HPSE2: variants seen among roughly 807,000 people sequenced by gnomAD.
HPSE2 encodes inactive heparanase-2.
In HPSE2, 38 loss-of-function variants were observed where a neutral mutation model predicts 60.5. The observed-to-expected ratio is 0.63, with a 90% CI of 0.48 to 0.82. The LOEUF (loss-of-function observed/expected upper bound fraction) is 0.82, where lower values mean the gene tolerates loss of function less well. Among genes scored for constraint, HPSE2 ranks in the 40% least tolerant of loss-of-function variants. The pLI, the probability that HPSE2 is intolerant of heterozygous loss-of-function variation, is 0.00. For synonymous variants in HPSE2, 295 were observed against 293.2 expected (o/e 1.01, Z -0.06); for missense variants, 713 against 740.4 (o/e 0.96, Z 0.43).
the HPSE2 span, among the ~76,000 whole-genome samples, chr10:99,284,645 G>GA: frequency 2.2e-4 from 34 of 152,080 alleles, no homozygotes; most frequent in Admixed American, 9.8e-4. Context: ...AGCAACAAAA[G>GA]AAAAAATAGG....
At chr10:99,181,137 G>A (rs1252687897) in intron 2 of HPSE2, among the ~76,000 whole-genome samples, 1 of 151,696 alleles carries the variant, frequency 6.6e-6, no homozygotes, top group Non-Finnish European at 1.5e-5. Context: ...GGTGGCTCAC[G>A]CCTGTAATCC....
chr10:98,625,460 T>C (rs908230394), intron 7 of HPSE2, among the ~76,000 whole-genome samples: 4 of 152,176 alleles, frequency 2.6e-5, no homozygotes, highest in African/African-American at 9.7e-5. Flanking sequence ...TCAATTACCA[T>C]ACAAGGTGAT....
chr10:98,528,979 C>T (rs1394877040), intron 9 of HPSE2, among the ~76,000 whole-genome samples: 1 of 152,188 alleles, frequency 6.6e-6, no homozygotes, highest in African/African-American at 2.4e-5. Context: ...TGGTAACAAC[C>T]GCAAACCACT....
At chr10:99,265,434 G>A in the HPSE2 span, among the ~76,000 whole-genome samples, 2 of 152,174 alleles carry the variant, frequency 1.3e-5, no homozygotes, top group Non-Finnish European at 2.9e-5. Context: ...GGGGCCTGTC[G>A]GGTGGCTTGG....
the HPSE2 span, among the ~76,000 whole-genome samples, chr10:99,255,841 T>C: frequency 8.5e-5 from 13 of 152,296 alleles, no homozygotes; most frequent in Middle Eastern, 3.4e-3. Flanking sequence ...ATTAGTCCAT[T>C]TTCACACCAG....
At chr10:98,908,678 C>T (rs1468083059) in intron 3 of HPSE2, among the ~76,000 whole-genome samples, 3 of 79,716 alleles carry the variant, frequency 3.8e-5, no homozygotes, top group South Asian at 5.8e-4. Context: ...AGCGTAGCTC[C>T]ATCTCAAAAA....
At chr10:99,035,576 C>A (rs1957592075) in intron 3 of HPSE2, among the ~76,000 whole-genome samples, 1 of 152,130 alleles carries the variant, frequency 6.6e-6, no homozygotes, top group African/African-American at 2.4e-5. Context: ...CATTTATTAT[C>A]ATTATCAAGT....
intron 6 of HPSE2, among the ~76,000 whole-genome samples, chr10:98,672,073 T>TA (rs1947520580): frequency 1.3e-5 from 2 of 152,214 alleles, no homozygotes. Context: ...TGTACATGAA[T>TA]AAAAAATTAC....
At chr10:99,122,978 G>A (rs922727461) in intron 3 of HPSE2, among the ~76,000 whole-genome samples, 1 of 152,052 alleles carries the variant, frequency 6.6e-6, no homozygotes, top group Non-Finnish European at 1.5e-5. Context: ...ATACATGTGG[G>A]AGTATAATAT....
the HPSE2 span, among the ~76,000 whole-genome samples, chr10:99,256,039 T>C: frequency 6.6e-6 from 1 of 151,874 alleles, no homozygotes; most frequent in African/African-American, 2.4e-5. Flanking sequence ...AAGGGGGAAG[T>C]GCTACACACT....
chr10:99,130,186 G>A (rs1845328864), intron 3 of HPSE2, among the ~76,000 whole-genome samples: 1 of 151,974 alleles, frequency 6.6e-6, no homozygotes, highest in Non-Finnish European at 1.5e-5. Flanking sequence ...ATTCTCAGCT[G>A]AATTCTATTG....
At position 98,952,314 on chromosome 10, in the gene HPSE2, T is replaced by G. The variant is rs12217921; in HGVS notation, c.610+191924A>C. The stretch of plus-strand genomic sequence containing the variant: ...GGATTCCCCGCTCAAAAGAATTTGT[T>G]TGTGTGTGTGTGTGTGTGTGTGTGT... On this transcript the variant is annotated intron_variant, in intron 3 of 11. Transcript: ENST00000370552. Among the ~76,000 whole-genome samples, 546 of 137,502 alleles carry G rather than the reference T, an allele frequency of 4.0e-3. 8 individuals are homozygous for G. Among genetic ancestry groups the G allele is most frequent in the African/African-American group, 0.01 (372 of 36,204 alleles). 90.2% of individuals were successfully genotyped at this position (137,502 alleles called of 152,430 possible). A position where few individuals can be genotyped will look rare whatever the true frequency, so the allele number is the denominator to read the frequency against.
At chr10:99,099,440 G>C (rs1450634433) in intron 3 of HPSE2, among the ~76,000 whole-genome samples, 2 of 152,240 alleles carry the variant, frequency 1.3e-5, no homozygotes, top group East Asian at 1.9e-4. Context: ...CAGCGAGGCT[G>C]GGGGAGGGGT....
In HPSE2 at chr10:98,767,082, T is replaced by G. The variant is rs574828909; in HGVS notation, c.611-23026A>C. The stretch of plus-strand genomic sequence containing the variant: ...TTAATTCATTATTTTAAAAAATTCA[T>G]AGCTATGAACTTCTTTAGTTTGATA... On this transcript the variant is annotated intron_variant, in intron 3 of 11. Transcript: ENST00000370552. 1.4e-4 allele frequency among the ~76,000 whole-genome samples: 22 copies of G among 152,292 alleles called. No individual in the cohort carries two copies. In the South Asian group the frequency reaches 4.6e-3, roughly 32 times the overall value.
At chr10:98,751,021 C>G (rs1337205735) in intron 3 of HPSE2, among the ~76,000 whole-genome samples, 1 of 152,070 alleles carries the variant, frequency 6.6e-6, no homozygotes, top group Non-Finnish European at 1.5e-5. Flanking sequence ...TAGTTTCCAT[C>G]CCAGCTCTTC....
intron 2 of HPSE2, among the ~76,000 whole-genome samples, chr10:99,153,859 A>G (rs1388153244): frequency 6.6e-6 from 1 of 151,474 alleles, no homozygotes; most frequent in South Asian, 2.1e-4. Context: ...TTTGAAAAAA[A>G]TTTAGAAGAA....
rs556794468 is a variant in HPSE2, at chr10:98,848,781, G to A, written c.611-104725C>T. 6.6e-5 allele frequency among the ~76,000 whole-genome samples: 10 copies of A among 152,180 alleles called. No homozygotes were observed. In the South Asian group the frequency reaches 1.7e-3, roughly 25 times the overall value. ...AGTCTCACCTGCTAAACTCAACCAC[G>A]ATGAAAAAGTACCACATGCAGGGAA... On this transcript the variant is annotated intron_variant, in intron 3 of 11. Coordinates refer to ENST00000370552, the MANE Select transcript of HPSE2 (RefSeq NM_021828.5).
At chr10:98,763,528 CT>C (rs1950053271) in intron 3 of HPSE2, among the ~76,000 whole-genome samples, 1 of 16,594 alleles carries the variant, frequency 6.0e-5, no homozygotes, top group Non-Finnish European at 3.5e-4. Context: ...CTCATGTGTT[CT>C]CTTCTCTGGA....
At chr10:98,466,169 T>C (rs1940520493) in intron 11 of HPSE2, among the ~76,000 whole-genome samples, 1 of 152,216 alleles carries the variant, frequency 6.6e-6, no homozygotes. Context: ...TTTTAAAGCT[T>C]GAAGATAATT....
Sources: allele counts gnomAD v4.1 joint callset (sites outside exome capture counted in the v4.1 genomes callset), GRCh38; gene constraint gnomAD v4.1.1; transcripts MANE v1.5; gene names NCBI Gene and HGNC (gene_info 2026-07-23, HGNC 2026-07-21).